The following MGA variants were observed in gnomAD, a reference collection of about 807,000 sequenced individuals.
MGA encodes the protein MAX gene-associated protein.
MGA carries 40 observed loss-of-function variants against 261.1 expected under a neutral mutation model. The observed-to-expected ratio is 0.15, with a 90% CI of 0.12 to 0.20. The LOEUF is 0.20. Ranked by LOEUF, MGA falls within the 10% of genes least tolerant of loss-of-function variation. MGA has a pLI of 1.00. For synonymous variants in MGA, 1,302 were observed against 1,290.6 expected (o/e 1.01, Z -0.19); for missense variants, 3,397 against 3,630.5 (o/e 0.94, Z 1.65).
intron 9 of MGA, among the ~76,000 whole-genome samples, chr15:41,715,146 TTTTTTTC>T (rs2060566360): frequency 1.3e-5 from 2 of 149,772 alleles, no homozygotes; most frequent in East Asian, 1.9e-4. Context: ...TCTTTTTTTT[TTTTTTTC>T]TTTTTTCTTT....
chr15:41,656,462 C>T (rs1192667852), upstream of MGA, among the ~76,000 whole-genome samples: 1 of 151,532 alleles, frequency 6.6e-6, no homozygotes, highest in East Asian at 1.9e-4. Flanking sequence ...CCACCTCACC[C>T]TCCTGAGTGG....
At chr15:41,716,523 A>T (rs145798753) in intron 9 of MGA, among the ~76,000 whole-genome samples, 5 of 152,318 alleles carry the variant, frequency 3.3e-5, no homozygotes, top group African/African-American at 1.2e-4. Flanking sequence ...GAGTAGAAAC[A>T]GGAAAGAGTT....
chr15:41,645,769 A>G (rs2056924680), intron 1 of MGA, among the ~76,000 whole-genome samples: 1 of 152,168 alleles, frequency 6.6e-6, no homozygotes, highest in African/African-American at 2.4e-5. Context: ...AGATATATTC[A>G]CTACAACTTT....
At chr15:41,694,370 C>T (rs2059442241) in intron 2 of MGA, among the ~76,000 whole-genome samples, 2 of 151,942 alleles carry the variant, frequency 1.3e-5, no homozygotes, top group South Asian at 4.2e-4. Context: ...TGTACTCCAG[C>T]CTGGGTGACA....
chr15:41,717,868 A>C (rs2060721787), intron 9 of MGA, among the ~76,000 whole-genome samples: 1 of 152,172 alleles, frequency 6.6e-6, no homozygotes, highest in Non-Finnish European at 1.5e-5. Context: ...CCAACAGTAT[A>C]TTTAAAGAAT....
rs371035934 is a variant in MGA, at chr15:41,750,120, G to A, written c.6513G>A (p.Arg2171=). Reference sequence around the variant, plus strand: ...GTGGAGACTCTCTGGAGAAAGACAGGGAAAGATGGAGAAAACATCTGAAGG... The same window carrying A: ...GTGGAGACTCTCTGGAGAAAGACAGAGAAAGATGGAGAAAACATCTGAAGG... The change falls in exon 17 of 24, where the codon AGG becomes AGA. Residue 2171 remains arginine (R), a synonymous_variant. Coordinates refer to ENST00000219905, the MANE Select transcript of MGA (RefSeq NM_001164273.2). 2.0e-5 allele frequency: 33 copies of A among 1,613,604 alleles called. No individual in the cohort carries two copies. The African/African-American group carries it at 4.3e-4, about 21-fold the overall frequency.
rs768615568 is a variant in MGA, at chr15:41,727,382, A to C, written c.3633A>C (p.Ser1211=). Residue 1211 remains serine, a synonymous_variant, in exon 10 of 24, where the codon TCA becomes TCC. Transcript: ENST00000219905. ...TCACTGGAATTAAATCTCCACGGTC[A>C]TATACTCCCAAACCCAATCCTGTGG... The C allele has an allele frequency of 6.2e-7, 1 of 1,613,922 alleles. No homozygotes were observed. The highest frequency in any genetic ancestry group is 1.1e-5 in the South Asian group (1 of 91,076).
In MGA at chr15:41,767,022, C is replaced by T; in HGVS notation, c.8940C>T (p.Asp2980=). 2 of 1,614,034 alleles carry T rather than the reference C, an allele frequency of 1.2e-6. No homozygotes were observed. Among genetic ancestry groups the T allele is most frequent in the Non-Finnish European group, 1.7e-6 (2 of 1,179,912 alleles). Residue 2980 remains aspartate, a synonymous_variant, in exon 24 of 24, where the codon GAC becomes GAT. Coordinates refer to ENST00000219905, the MANE Select transcript of MGA (RefSeq NM_001164273.2). ...GCTTGGAGAACAGCAACAGCACAGA[C>T]ACTTTGTGGAGGCCTATGCCAAAGT...
At chr15:41,730,332 G>A (rs1281344850) in intron 11 of MGA, among the ~76,000 whole-genome samples, 7 of 151,916 alleles carry the variant, frequency 4.6e-5, no homozygotes, top group African/African-American at 1.2e-4. Flanking sequence ...CCAGCTATTC[G>A]GGAGGCTGAG....
chr15:41,750,095 G>T lies in MGA; in HGVS notation c.6488G>T (p.Cys2163Phe). 1 of 1,613,390 alleles carries T rather than the reference G, an allele frequency of 6.2e-7. No individual in the cohort carries two copies. The highest frequency in any genetic ancestry group is 8.5e-7 in the Non-Finnish European group (1 of 1,179,738). ...CAGCCAGAGGCCAAAGAGAAGGAATGTGGAGACTCTCTGGAGAAAGACAGG... is the reference window on the plus strand; with the variant it reads ...CAGCCAGAGGCCAAAGAGAAGGAATTTGGAGACTCTCTGGAGAAAGACAGG... Residue 2163 changes from cysteine to phenylalanine, a missense_variant, in exon 17 of 24, where the codon TGT (cysteine) becomes TTT (phenylalanine). Cys to Phe is a radical substitution (Grantham distance 205). Transcript: ENST00000219905.
In MGA at chr15:41,698,910, T is replaced by C. The variant is rs1485463492; in HGVS notation, c.2061T>C (p.Ser687=). The change falls in exon 4 of 24, where the codon TCT becomes TCC. Residue 687 remains serine (S), a synonymous_variant. Transcript: ENST00000219905. Reference sequence around the variant, plus strand: ...TTGATGGGACAACAGAAGAATCTTCTAGTCTCCAGGCATCAACCACAAATG... The same window carrying C: ...TTGATGGGACAACAGAAGAATCTTCCAGTCTCCAGGCATCAACCACAAATG... The C allele has an allele frequency of 1.9e-6, 3 of 1,550,630 alleles. No individual in the cohort carries two copies. The highest frequency in any genetic ancestry group is 1.4e-5 in the African/African-American group (1 of 73,002).
intron 17 of MGA, among the ~76,000 whole-genome samples, chr15:41,753,213 C>G (rs888586075): frequency 2.0e-5 from 3 of 152,074 alleles, no homozygotes; most frequent in Non-Finnish European, 4.4e-5. Context: ...AGTTTGAGAC[C>G]AGCCTGGCCA....
chr15:41,681,285 A>G (rs2058658573), intron 2 of MGA, among the ~76,000 whole-genome samples: 2 of 152,074 alleles, frequency 1.3e-5, no homozygotes, highest in African/African-American at 2.4e-5. Flanking sequence ...TCTAGGTCAT[A>G]TGCATAATGC....
chr15:41,726,316 T>C (rs951584299), intron 9 of MGA, among the ~76,000 whole-genome samples: 32 of 152,338 alleles, frequency 2.1e-4, no homozygotes, highest in African/African-American at 6.7e-4. Context: ...TCAGGAGTTG[T>C]TGGAGTTAAA....
At chr15:41,737,386 C>T (rs2061844041) in intron 13 of MGA, among the ~76,000 whole-genome samples, 1 of 151,494 alleles carries the variant, frequency 6.6e-6, no homozygotes, top group Non-Finnish European at 1.5e-5. Flanking sequence ...AACTTCTGAG[C>T]TCAGGTGATC....
In MGA at chr15:41,762,172, T is replaced by C. The variant is rs1171406754; in HGVS notation, c.7554T>C (p.Tyr2518=). 7 of 1,613,726 alleles carry C rather than the reference T, an allele frequency of 4.3e-6. No individual in the cohort carries two copies. In the South Asian group the frequency reaches 7.7e-5, roughly 18 times the overall value. ...TCCTGAAGAAGCTAGAGTATATTTATGCAAAACAGCAAGCACTAGAGGCAC... is the reference window on the plus strand; with the variant it reads ...TCCTGAAGAAGCTAGAGTATATTTACGCAAAACAGCAAGCACTAGAGGCAC... Residue 2518 remains tyrosine (Y), a synonymous_variant, in exon 22 of 24, where the codon TAT becomes TAC. Transcript: ENST00000219905.
intron 1 of MGA, among the ~76,000 whole-genome samples, chr15:41,627,594 T>G (rs2056485830): frequency 6.6e-6 from 1 of 152,258 alleles, no homozygotes; most frequent in South Asian, 2.1e-4. Context: ...TTAATAAAAT[T>G]TGTTACTTGC....
chr15:41,763,019 AG>A (rs1555440924), intron 22 of MGA, among the ~76,000 whole-genome samples: 2 of 151,204 alleles, frequency 1.3e-5, no homozygotes, highest in Non-Finnish European at 2.9e-5. Flanking sequence ...AGTTGGGTCT[AG>A]CTGAGACCAA....
At chr15:41,708,664 C>G (rs2060234883) in intron 7 of MGA, among the ~76,000 whole-genome samples, 1 of 152,194 alleles carries the variant, frequency 6.6e-6, no homozygotes, top group African/African-American at 2.4e-5. Flanking sequence ...TTGCTGTTTT[C>G]TGTCTGCTAC....
Sources: allele counts gnomAD v4.1 joint callset (sites outside exome capture counted in the v4.1 genomes callset), GRCh38; gene constraint gnomAD v4.1.1; transcripts MANE v1.5; gene names NCBI Gene and HGNC (gene_info 2026-07-23, HGNC 2026-07-21).